Variants in DRG2 observed in about 807,000 individuals in gnomAD.
The protein encoded by DRG2 is developmentally regulated GTP binding protein 2.
DRG2 carries 36 observed loss-of-function variants against 53.4 expected under a neutral mutation model. The ratio of observed to expected loss-of-function variants is 0.67; its 90% CI spans 0.52 to 0.89. The LOEUF (loss-of-function observed/expected upper bound fraction) is 0.89. Ranked by LOEUF, DRG2 falls within the 40% of genes least tolerant of loss-of-function variation. The pLI, the probability that DRG2 is intolerant of heterozygous loss-of-function variation, is 0.00. For missense variants in DRG2, 342 were observed against 481.2 expected, an observed-to-expected ratio of 0.71 and a Z score of 2.71; for synonymous variants, 167 against 192.1, an observed-to-expected ratio of 0.87 and a Z score of 1.08.
intron 2 of DRG2, among the ~76,000 whole-genome samples, chr17:18,095,261 C>CTTGG (rs1170145935): frequency 6.6e-6 from 1 of 151,930 alleles, no homozygotes; most frequent in Non-Finnish European, 1.5e-5. Flanking sequence ...ATCCGCCCAC[C>CTTGG]TTGGCCTCCC....
chr17:18,088,985 C>T (rs1402796783), intron 1 of DRG2, among the ~76,000 whole-genome samples: 1 of 152,102 alleles, frequency 6.6e-6, no homozygotes, highest in African/African-American at 2.4e-5. Context: ...ATGGGAGATG[C>T]AATTGGCCAG....
intron 12 of DRG2, 122 bp from the exon 13 acceptor site, chr17:18,107,032 G>A: frequency 2.4e-6 from 2 of 842,490 alleles, no homozygotes; most frequent in South Asian, 1.6e-5. Context: ...ACATCCTGCT[G>A]CCTGAGGCCC....
chr17:18,099,474 C>T lies in DRG2; in HGVS notation c.377-159C>T, dbSNP rs117016956. The T allele has an allele frequency of 6.1e-4, 454 of 749,022 alleles. 4 individuals are homozygous for T. The East Asian group carries it at 0.011, about 18-fold the overall frequency. The allele number at this position is 749,022 out of a possible 1,614,324, so 46.4% of individuals were successfully genotyped here. A position where few individuals can be genotyped will look rare whatever the true frequency, so the allele number is the denominator to read the frequency against. On this transcript the variant is annotated intron_variant, in intron 4 of 12. Transcript: ENST00000225729. This position sits in a 1 kb window ranked among gnomAD's most constrained non-coding sequence, Gnocchi z 4.4. ...CGGATTTTCTTCTGAAATAAGTCTC[C>T]GTCAGTAAAACATGTGGATTAAAGA...
intron 1 of DRG2, among the ~76,000 whole-genome samples, chr17:18,090,735 A>G (rs9892557): frequency 8.0e-4 from 118 of 148,266 alleles, no homozygotes; most frequent in African/African-American, 2.9e-3. Context: ...CGGTCTCACT[A>G]TGTTGCCCAG....
chr17:18,094,435 GGTGA>G (rs1204680181), intron 2 of DRG2, among the ~76,000 whole-genome samples: 1 of 152,166 alleles, frequency 6.6e-6, no homozygotes, highest in East Asian at 1.9e-4. Flanking sequence ...AGGTTTCTCT[GGTGA>G]GTGAGTATTT....
Position 18,101,950 on chromosome 17 carries a change from G to A in DRG2, c.759G>A (p.Met253Ile). ...YVYNKIDQIS[M>I]EEVDRLARKP... ...ATAACAAAATCGACCAGATCTCCAT[G>A]GAAGAGGTGGACCGCCTGGCCCGAA... Residue 253 changes from methionine to isoleucine, a missense_variant, in exon 9 of 13, where the codon ATG becomes ATA. By Grantham distance (10) the Met-to-Ile change is conservative. Coordinates refer to ENST00000225729, the MANE Select transcript of DRG2 (RefSeq NM_001388.5). 1 of 1,612,722 alleles carries A rather than the reference G, an allele frequency of 6.2e-7. No homozygotes were observed. Among genetic ancestry groups the A allele is most frequent in the Non-Finnish European group, 8.5e-7 (1 of 1,179,260 alleles).
intron 1 of DRG2, among the ~76,000 whole-genome samples, chr17:18,088,548 C>T (rs1211977270): frequency 6.6e-6 from 1 of 152,198 alleles, no homozygotes; most frequent in Non-Finnish European, 1.5e-5. Context: ...TGGGTTTGAG[C>T]CCCAGGTCCA....
chr17:18,107,399 C>T lies in DRG2; in HGVS notation c.*159C>T, dbSNP rs1052825187. 8.4e-6 allele frequency: 6 copies of T among 717,102 alleles called. No homozygotes were observed. The highest frequency in any genetic ancestry group is 7.1e-5 in the Admixed American group (3 of 42,186). 44.4% of individuals were successfully genotyped at this position (717,102 alleles called of 1,614,324 possible). A position where few individuals can be genotyped will look rare whatever the true frequency, so the allele number is the denominator to read the frequency against. On this transcript the variant is annotated 3_prime_UTR_variant, in exon 13 of 13. Transcript: ENST00000225729. The stretch of plus-strand genomic sequence containing the variant: ...TACAGAAGTTTCTTCAGTAGGCAGA[C>T]GAAGAGTGTGTTGGGGCAAAGGGGC...
chr17:18,103,957 T>C lies in DRG2; in HGVS notation c.895+68T>C. 2.7e-6 allele frequency: 4 copies of C among 1,508,402 alleles called. No individual in the cohort carries two copies. Among genetic ancestry groups the C allele is most frequent in the Non-Finnish European group, 3.7e-6 (4 of 1,085,866 alleles). 93.4% of individuals were successfully genotyped at this position (1,508,402 alleles called of 1,614,324 possible). On this transcript the variant is annotated intron_variant, in intron 10 of 12. Coordinates refer to ENST00000225729, the MANE Select transcript of DRG2 (RefSeq NM_001388.5). This position sits in a 1 kb window ranked among gnomAD's most constrained non-coding sequence, Gnocchi z 4.4. ...TCCCTAGAAGGCTGCCAGGCCGGTG[T>C]GTGGTGCCCAGAGACCCCAGCACCG...
intron 1 of DRG2, among the ~76,000 whole-genome samples, chr17:18,090,928 C>A (rs1055101438): frequency 5.9e-5 from 9 of 151,568 alleles, no homozygotes; most frequent in African/African-American, 2.2e-4. Context: ...TTCTCAGCTT[C>A]CCCAAAGTGC....
In DRG2 at chr17:18,098,526, G is replaced by T; in HGVS notation, c.315+167G>T. 1 of 605,494 alleles carries T rather than the reference G, an allele frequency of 1.7e-6. No homozygotes were observed. 37.5% of individuals were successfully genotyped at this position (605,494 alleles called of 1,614,324 possible). On this transcript the variant is annotated intron_variant, in intron 3 of 12. Coordinates refer to ENST00000225729, the MANE Select transcript of DRG2 (RefSeq NM_001388.5). This position sits in a 1 kb window ranked among gnomAD's most constrained non-coding sequence, Gnocchi z 4.1. The stretch of plus-strand genomic sequence containing the variant: ...ACTGACACTTCTGGGGATCCTAGCT[G>T]CTGGACCCCAGAGATGCCTGGTGGG...
At chr17:18,095,952 C>A (rs1445044330) in intron 2 of DRG2, 1 of 152,198 alleles carries the variant, frequency 6.6e-6, no homozygotes, top group East Asian at 1.9e-4. Context: ...CTAGACAGTT[C>A]CTTAGACTTG....
Position 18,090,373 on chromosome 17 carries a change from TATATATATA to T in DRG2, c.64+2287_64+2295del, listed in dbSNP as rs1567597870. Among the ~76,000 whole-genome samples, 96 of 10,822 alleles carry T rather than the reference TATATATATA, an allele frequency of 8.9e-3. 2 individuals are homozygous for T. The highest frequency in any genetic ancestry group is 0.01 in the Non-Finnish European group (69 of 6,766). The allele number at this position is 10,822 out of a possible 152,430, so 7.1% of individuals were successfully genotyped here. A position where few individuals can be genotyped will look rare whatever the true frequency, so the allele number is the denominator to read the frequency against. On this transcript the variant is annotated intron_variant, in intron 1 of 12. Coordinates refer to ENST00000225729, the MANE Select transcript of DRG2 (RefSeq NM_001388.5). ...CACCACCACACCGGGCTAATTTATA[TATATATATA>T]TATATATATATATATATATATATAT...
intron 1 of DRG2, among the ~76,000 whole-genome samples, chr17:18,088,659 C>T (rs964227610): frequency 6.6e-6 from 1 of 152,210 alleles, no homozygotes; most frequent in Non-Finnish European, 1.5e-5. Flanking sequence ...CATCTTAGTA[C>T]ACAGCTGAGT....
chr17:18,094,710 C>G (rs1678603337), intron 2 of DRG2, among the ~76,000 whole-genome samples: 1 of 152,036 alleles, frequency 6.6e-6, no homozygotes, highest in African/African-American at 2.4e-5. Context: ...CGCGGTGGCT[C>G]ACACCTGTAA....
chr17:18,101,462 G>A (rs1448220110), intron 7 of DRG2, 31 bp from the exon 8 acceptor site: 2 of 1,608,550 alleles, frequency 1.2e-6, no homozygotes, highest in East Asian at 2.2e-5. Flanking sequence ...GGCAGCTGGT[G>A]CACAGGTTGC....
chr17:18,088,475 C>T (rs1306964029), intron 1 of DRG2, among the ~76,000 whole-genome samples: 1 of 152,206 alleles, frequency 6.6e-6, no homozygotes, highest in East Asian at 1.9e-4. Context: ...TCAGGAACAG[C>T]CTCACCCAGC....
In DRG2 at chr17:18,101,964, G is replaced by T; in HGVS notation, c.773G>T (p.Arg258Leu). The T allele has an allele frequency of 1.2e-6, 2 of 1,612,078 alleles. No individual in the cohort carries two copies. The highest frequency in any genetic ancestry group is 1.7e-6 in the Non-Finnish European group (2 of 1,178,958). Residue 258 changes from arginine (R) to leucine (L), a missense_variant, in exon 9 of 13, where the codon CGC (arginine) becomes CTC (leucine). Coordinates refer to ENST00000225729, the MANE Select transcript of DRG2 (RefSeq NM_001388.5). ...CAGATCTCCATGGAAGAGGTGGACC[G>T]CCTGGCCCGAAAACCCAACAGTGTG... is the stretch of plus-strand genomic sequence containing the variant. ...IDQISMEEVD[R>L]LARKPNSVVI...
At position 18,100,776 on chromosome 17, in the gene DRG2, C is replaced by A; in HGVS notation, c.631+117C>A. ...GGTGGCAGCAGGTCACCCCCACTGC[C>A]CCTGCTGTCCATTCAAGTAGCCTCT... On this transcript the variant is annotated intron_variant, in intron 7 of 12. Transcript: ENST00000225729. This position sits in a 1 kb window ranked among gnomAD's most constrained non-coding sequence, Gnocchi z 4.1. 1.0e-6 allele frequency: 1 copy of A among 973,376 alleles called. No individual in the cohort carries two copies. The highest frequency in any genetic ancestry group is 1.6e-6 in the Non-Finnish European group (1 of 639,608). The allele number at this position is 973,376 out of a possible 1,614,324, so 60.3% of individuals were successfully genotyped here. A position where few individuals can be genotyped will look rare whatever the true frequency, so the allele number is the denominator to read the frequency against.
Sources: gnomAD v4.1 joint callset for allele counts (sites outside exome capture counted in the v4.1 genomes callset) on GRCh38, gnomAD v4.1.1 for gene constraint, Gnocchi (gnomAD v3.1) non-coding constraint, MANE v1.5 for transcripts, NCBI Gene and HGNC (gene_info 2026-07-23, HGNC 2026-07-21) for gene names.